STMN4: variants seen among roughly 807,000 people sequenced by gnomAD.
STMN4 encodes stathmin-4.
A neutral mutation model predicts 29.1 loss-of-function variants in STMN4; 12 were observed. The ratio of observed to expected loss-of-function variants is 0.41; its 90% CI spans 0.26 to 0.67. The LOEUF (loss-of-function observed/expected upper bound fraction) is 0.67, where lower values mean the gene tolerates loss of function less well. Among genes scored for constraint, STMN4 ranks in the 30% least tolerant of loss-of-function variants. The pLI is 0.30. For synonymous variants in STMN4, 114 were observed against 105.3 expected (o/e 1.08, Z -0.51); for missense variants, 181 against 262.8 (o/e 0.69, Z 2.15).
rs201408103 is a variant in STMN4 at position 27,243,768 on chromosome 8, G to T, written c.-45C>A. On this transcript the variant is annotated 5_prime_UTR_variant, in exon 2 of 7. Transcript: ENST00000350889. The stretch of plus-strand genomic sequence containing the variant: ...TGAATCTAGCTGAAAGTTACAGAGT[G>T]GGTCTGTCACCAGCTTGGGACGCTG... 2.2e-4 allele frequency: 358 copies of T among 1,614,072 alleles called. 1 individual carries two copies. Among genetic ancestry groups the T allele is most frequent in the Admixed American group, 5.0e-4 (30 of 60,008 alleles).
At chr8:27,255,985 A>G (rs1325794299) in intron 1 of STMN4, among the ~76,000 whole-genome samples, 1 of 150,542 alleles carries the variant, frequency 6.6e-6, no homozygotes, top group African/African-American at 2.4e-5. Context: ...GCTTCCCATA[A>G]AAAAAAATAT....
intron 3 of STMN4, 118 bp from the exon 4 acceptor site, chr8:27,241,875 C>T: frequency 2.4e-6 from 3 of 1,248,422 alleles, no homozygotes; most frequent in South Asian, 1.3e-5. Context: ...TCCCCGAGCA[C>T]CCCTGGTGAG....
chr8:27,242,551 C>T, intron 2 of STMN4, 59 bp from the exon 3 acceptor site: 2 of 1,563,492 alleles, frequency 1.3e-6, no homozygotes, highest in Non-Finnish European at 1.8e-6. Context: ...AAGTCAGCGT[C>T]CTCACGGGTC....
At chr8:27,242,103 G>A (rs1801491828) in intron 3 of STMN4, 3 of 562,622 alleles carry the variant, frequency 5.3e-6, no homozygotes, top group Admixed American at 6.1e-5. Flanking sequence ...ATATCTGTCT[G>A]GCTCACCTTT....
intron 6 of STMN4, 34 bp downstream of exon 6, chr8:27,239,937 C>T: frequency 1.2e-6 from 2 of 1,614,144 alleles, no homozygotes; most frequent in Non-Finnish European, 1.7e-6. Context: ...ACAGCATGTC[C>T]CAGGAAACTC....
chr8:27,241,823 A>T, intron 3 of STMN4, 66 bp from the exon 4 acceptor site: 1 of 1,584,938 alleles, frequency 6.3e-7, no homozygotes, highest in Non-Finnish European at 8.7e-7. Flanking sequence ...ACCAAACCAA[A>T]CCCATCTCTG....
intron 1 of STMN4, among the ~76,000 whole-genome samples, chr8:27,251,946 G>A (rs1445517269): frequency 6.6e-6 from 1 of 151,668 alleles, no homozygotes; most frequent in Non-Finnish European, 1.5e-5. Flanking sequence ...ATCTCCCAAT[G>A]CTATCCCTCC....
chr8:27,243,590 A>AC (rs376559855), intron 2 of STMN4, 121 bp downstream of exon 2: 570 of 1,046,518 alleles, frequency 5.4e-4, no homozygotes, highest in Admixed American at 1.0e-3. Context: ...CACTACCTGC[A>AC]CCCCCCCACA....
intron 1 of STMN4, among the ~76,000 whole-genome samples, chr8:27,252,272 C>T (rs920786973): frequency 3.9e-5 from 6 of 152,144 alleles, no homozygotes; most frequent in Admixed American, 2.6e-4. Flanking sequence ...AATAAACATA[C>T]GTGTCCATGT....
chr8:27,256,612 T>C (rs1801949602), intron 1 of STMN4, among the ~76,000 whole-genome samples: 1 of 149,188 alleles, frequency 6.7e-6, no homozygotes, highest in South Asian at 2.1e-4. Flanking sequence ...CACACAAATA[T>C]ACACATAACT....
intron 1 of STMN4, among the ~76,000 whole-genome samples, chr8:27,252,701 G>A (rs1409808799): frequency 6.6e-6 from 1 of 152,216 alleles, no homozygotes; most frequent in African/African-American, 2.4e-5. Flanking sequence ...CAAGTAGAAA[G>A]TGGTAAACAT....
chr8:27,239,791 C>T, intron 6 of STMN4, 180 bp downstream of exon 6: 1 of 1,532,330 alleles, frequency 6.5e-7, no homozygotes, highest in Non-Finnish European at 8.8e-7. Flanking sequence ...GTTCCTATTT[C>T]TTGCCTCTGA....
intron 1 of STMN4, among the ~76,000 whole-genome samples, chr8:27,245,994 T>C (rs7844414): frequency 0.5 from 75,397 of 151,574 alleles, 19,058 homozygotes; most frequent in Non-Finnish European, 0.53. Flanking sequence ...AGACGCTTGC[T>C]TAAGGTCACA....
At chr8:27,248,262 A>T (rs1801686007) in intron 1 of STMN4, among the ~76,000 whole-genome samples, 1 of 152,150 alleles carries the variant, frequency 6.6e-6, no homozygotes. Flanking sequence ...TTCTGTGCCA[A>T]GCCCTCTGCT....
intron 1 of STMN4, 130 bp from the exon 2 acceptor site, chr8:27,243,931 C>T (rs919855273): frequency 1.3e-6 from 1 of 777,052 alleles, no homozygotes; most frequent in African/African-American, 1.7e-5. Context: ...GCCCTCTCCC[C>T]ACCAACTCTC....
At chr8:27,249,821 A>T (rs1801733726) in intron 1 of STMN4, among the ~76,000 whole-genome samples, 1 of 152,186 alleles carries the variant, frequency 6.6e-6, no homozygotes, top group Non-Finnish European at 1.5e-5. Context: ...CTGACCTCTT[A>T]GTGCCTCTGA....
At chr8:27,256,925 C>G (rs971864809) in intron 1 of STMN4, among the ~76,000 whole-genome samples, 3 of 152,112 alleles carry the variant, frequency 2.0e-5, no homozygotes, top group Non-Finnish European at 2.9e-5. Flanking sequence ...ATGGTAGTCC[C>G]ATCTAGCACT....
intron 6 of STMN4, 64 bp downstream of exon 6, chr8:27,239,907 A>G (rs536989691): frequency 6.2e-7 from 1 of 1,612,966 alleles, no homozygotes; most frequent in East Asian, 2.2e-5. Flanking sequence ...AGGTCCCCGC[A>G]TACTTGCTGC....
At chr8:27,245,750 G>A (rs1801606518) in intron 1 of STMN4, among the ~76,000 whole-genome samples, 1 of 152,218 alleles carries the variant, frequency 6.6e-6, no homozygotes, top group Admixed American at 6.5e-5. Flanking sequence ...TAGGTGGAGG[G>A]GAGGCAGAGA....
Sources: allele counts gnomAD v4.1 joint callset (sites outside exome capture counted in the v4.1 genomes callset), GRCh38; gene constraint gnomAD v4.1.1; transcripts MANE v1.5; gene names NCBI Gene and HGNC (gene_info 2026-07-23, HGNC 2026-07-21).